HMMR: variants seen among roughly 807,000 people sequenced by gnomAD.
HMMR encodes the protein intracellular hyaluronic acid-binding protein.
In HMMR, 108 loss-of-function variants were observed where a neutral mutation model predicts 101.0. The observed-to-expected ratio is 1.07, with a 90% confidence interval of 0.92 to 1.25. HMMR has a LOEUF of 1.25. Ranked by LOEUF, HMMR falls within the 50% of genes most tolerant of loss-of-function variation. HMMR has a pLI of 0.00. For missense variants in HMMR, 813 were observed against 788.7 expected (o/e 1.03, Z -0.37); for synonymous variants, 296 against 276.4 (o/e 1.07, Z -0.70).
chr5:163,482,971 T>A (rs775854629), intron 13 of HMMR, 49 bp from the exon 14 acceptor site: 45 of 1,503,488 alleles, frequency 3.0e-5, no homozygotes, highest in Non-Finnish European at 4.0e-5. Context: ...GAAAAATTAA[T>A]GAAAGTGGCT....
At chr5:163,487,882 A>G (rs1386858162) in intron 16 of HMMR, among the ~76,000 whole-genome samples, 1 of 151,648 alleles carries the variant, frequency 6.6e-6, no homozygotes. Context: ...TAGAGACAGG[A>G]TCTCACTCTG....
chr5:163,486,794 G>A (rs779875219), intron 16 of HMMR, among the ~76,000 whole-genome samples: 1 of 152,194 alleles, frequency 6.6e-6, no homozygotes, highest in Admixed American at 6.5e-5. Flanking sequence ...ATGTTGATTT[G>A]TTGGCCAGCC....
rs761941772 is a variant in HMMR, at chr5:163,478,705, A to G, written c.1290A>G (p.Lys430=). The part of the protein sequence containing the change: ...KLKGKEAELE[K]SSAAHTQATL... The stretch of plus-strand genomic sequence containing the variant: ...TTAGGAAGGAGGCTGAACTGGAGAA[A>G]AGTAGTGCTGCTCATACCCAGGCCA... The change falls in exon 12 of 18, where the codon AAA becomes AAG. Residue 430 remains lysine, a synonymous_variant. Coordinates refer to ENST00000393915, the MANE Select transcript of HMMR (RefSeq NM_001142556.2). The G allele has an allele frequency of 6.2e-7, 1 of 1,611,492 alleles. No homozygotes were observed. Among genetic ancestry groups the G allele is most frequent in the Middle Eastern group, 1.7e-4 (1 of 6,052 alleles).
Position 163,491,144 on chromosome 5 carries a change from T to C in HMMR, c.2158T>C (p.Cys720Arg). 1 of 1,569,086 alleles carries C rather than the reference T, an allele frequency of 6.4e-7. No homozygotes were observed. The highest frequency in any genetic ancestry group is 1.8e-5 in the Admixed American group (1 of 54,476). ...NTNCYRAPME[C>R]QESWK ...AAACTGTTACCGAGCTCCTATGGAG[T>C]GTCAAGAATCATGGAAGTAAACATC... Residue 720 changes from cysteine to arginine, a missense_variant, in exon 18 of 18, where the codon TGT becomes CGT. Physicochemically the swap from Cys to Arg is radical, Grantham distance 180. Transcript: ENST00000393915.
At chr5:163,486,472 T>G (rs1255819123) in intron 16 of HMMR, among the ~76,000 whole-genome samples, 5 of 152,224 alleles carry the variant, frequency 3.3e-5, no homozygotes, top group African/African-American at 7.2e-5. Context: ...TATATTTATC[T>G]TGTATCCTGC....
Position 163,475,533 on chromosome 5 carries a change from G to A in HMMR, c.1129G>A (p.Glu377Lys). The A allele has an allele frequency of 6.2e-7, 1 of 1,609,284 alleles. No homozygotes were observed. Among genetic ancestry groups the A allele is most frequent in the Non-Finnish European group, 8.5e-7 (1 of 1,176,200 alleles). Residue 377 changes from glutamate (E) to lysine (K), a missense_variant, in exon 11 of 18, where the codon GAA (glutamate) becomes AAA (lysine). Physicochemically the swap from Glu to Lys is moderately conservative, Grantham distance 56. Transcript: ENST00000393915. ...GGTTAAAGAGAAGAATCTGTTTGAG[G>A]AAGAATTAAAGCAAACACTGGATGA... is the stretch of plus-strand genomic sequence containing the variant. ...EMVKEKNLFE[E>K]ELKQTLDELD...
intron 16 of HMMR, among the ~76,000 whole-genome samples, chr5:163,486,626 C>A (rs1759483880): frequency 6.6e-6 from 1 of 152,076 alleles, no homozygotes; most frequent in South Asian, 2.1e-4. Flanking sequence ...TGTCTAATAT[C>A]TCTGGCTAAA....
Position 163,475,670 on chromosome 5 carries a change from A to G in HMMR, c.1266A>G (p.Lys422=), listed in dbSNP as rs751520086. 1.2e-5 allele frequency: 19 copies of G among 1,573,416 alleles called. No individual in the cohort carries two copies. Among genetic ancestry groups the G allele is most frequent in the Non-Finnish European group, 1.7e-5 (19 of 1,146,258 alleles). The change falls in exon 11 of 18, where the codon AAA becomes AAG. Residue 422 remains lysine, a splice_region_variant and synonymous_variant. Coordinates refer to ENST00000393915, the MANE Select transcript of HMMR (RefSeq NM_001142556.2). The part of the protein sequence containing the change: ...EELKLLEEKL[K]GKEAELEKSS... Reference sequence around the variant, plus strand: ...TAAAACTCCTAGAAGAAAAGCTGAAAGGGTTTGTATTAATAGGATCTCATG... The same window carrying G: ...TAAAACTCCTAGAAGAAAAGCTGAAGGGGTTTGTATTAATAGGATCTCATG...
intron 11 of HMMR, among the ~76,000 whole-genome samples, chr5:163,477,548 A>G (rs1294708370): frequency 6.6e-6 from 1 of 152,214 alleles, no homozygotes; most frequent in African/African-American, 2.4e-5. Context: ...ACTACAGCCA[A>G]TCTCAGGGAA....
rs112440659 is a variant in HMMR, at chr5:163,460,684, G to A, written c.-9G>A. 1.9e-3 allele frequency: 3,072 copies of A among 1,603,470 alleles called. 46 individuals are homozygous for A. The African/African-American group carries it at 0.034, about 18-fold the overall frequency. On this transcript the variant is annotated 5_prime_UTR_variant, in exon 1 of 18. Coordinates refer to ENST00000393915, the MANE Select transcript of HMMR (RefSeq NM_001142556.2). ...CAGTCACCTTCAGTTTCTGGAGCTG[G>A]CCGTCAACATGTCCTTTCCTAAGGC...
chr5:163,469,873 A>C lies in HMMR; in HGVS notation c.462+44A>C, dbSNP rs746295119. 5 of 1,412,504 alleles carry C rather than the reference A, an allele frequency of 3.5e-6. No individual in the cohort carries two copies. In the East Asian group the frequency reaches 9.3e-5, roughly 26 times the overall value. The allele number at this position is 1,412,504 out of a possible 1,614,324, so 87.5% of individuals were successfully genotyped here. On this transcript the variant is annotated intron_variant, in intron 5 of 17. Coordinates refer to ENST00000393915, the MANE Select transcript of HMMR (RefSeq NM_001142556.2). ...AATATTTACAATTGAATAAATATAA[A>C]CACGTTTTTTAGGGCCGGGCACGGT...
chr5:163,470,637 C>T (rs921482685), intron 5 of HMMR, among the ~76,000 whole-genome samples: 2 of 152,070 alleles, frequency 1.3e-5, no homozygotes, highest in African/African-American at 4.8e-5. Context: ...CAGAGTGAGA[C>T]TCTGTCTTAC....
chr5:163,460,683 G>A lies in HMMR; in HGVS notation c.-10G>A. 1 of 1,603,328 alleles carries A rather than the reference G, an allele frequency of 6.2e-7. No individual in the cohort carries two copies. Among genetic ancestry groups the A allele is most frequent in the Non-Finnish European group, 8.5e-7 (1 of 1,174,506 alleles). ...CCAGTCACCTTCAGTTTCTGGAGCT[G>A]GCCGTCAACATGTCCTTTCCTAAGG... On this transcript the variant is annotated 5_prime_UTR_variant, in exon 1 of 18. Coordinates refer to ENST00000393915, the MANE Select transcript of HMMR (RefSeq NM_001142556.2).
At chr5:163,467,255 A>C (rs1419526395) in intron 3 of HMMR, among the ~76,000 whole-genome samples, 2 of 152,212 alleles carry the variant, frequency 1.3e-5, no homozygotes, top group Admixed American at 1.3e-4. Context: ...CCAATGAGAA[A>C]ATTAGAATCA....
chr5:163,463,900 G>A lies in HMMR; in HGVS notation c.91G>A (p.Val31Ile), dbSNP rs754368124. ...TGCTTATGATGTTAAAACTTTAGAA[G>A]TATTGAAAGGACCAGTATCCTTTCA... ...PGAYDVKTLEVLKGPVSFQKS... is the reference protein window; with the variant it reads ...PGAYDVKTLEILKGPVSFQKS... The change falls in exon 2 of 18, where the codon GTA (valine) becomes ATA (isoleucine). Residue 31 changes from valine (V) to isoleucine (I), a missense_variant. Transcript: ENST00000393915. 4 of 1,494,348 alleles carry A rather than the reference G, an allele frequency of 2.7e-6. No individual in the cohort carries two copies. The highest frequency in any genetic ancestry group is 2.1e-4 in the Middle Eastern group (1 of 4,674). The allele number at this position is 1,494,348 out of a possible 1,614,324, so 92.6% of individuals were successfully genotyped here.
intron 11 of HMMR, 77 bp from the exon 12 acceptor site, chr5:163,478,607 A>G: frequency 1.2e-6 from 1 of 840,354 alleles, no homozygotes; most frequent in Non-Finnish European, 2.1e-6. Flanking sequence ...TCACAGTTTC[A>G]AAGGTAAATA....
intron 16 of HMMR, among the ~76,000 whole-genome samples, chr5:163,487,787 A>G (rs997518865): frequency 2.0e-5 from 3 of 150,464 alleles, no homozygotes; most frequent in Non-Finnish European, 4.4e-5. Flanking sequence ...TAGTAATTTG[A>G]GTCTTTTTTT....
chr5:163,471,698 G>A (rs1758896710), intron 7 of HMMR, among the ~76,000 whole-genome samples: 1 of 152,112 alleles, frequency 6.6e-6, no homozygotes, highest in South Asian at 2.1e-4. Flanking sequence ...TATTATTAAT[G>A]ATGAGGAAAG....
intron 10 of HMMR, among the ~76,000 whole-genome samples, 155 bp from the exon 11 acceptor site, chr5:163,475,303 A>C (rs1318813714): frequency 6.6e-6 from 1 of 152,174 alleles, no homozygotes; most frequent in Non-Finnish European, 1.5e-5. Context: ...GAAATAATCT[A>C]TGAAAACAAA....
Sources: gnomAD v4.1 joint callset for allele counts (sites outside exome capture counted in the v4.1 genomes callset) on GRCh38, gnomAD v4.1.1 for gene constraint, MANE v1.5 for transcripts, NCBI Gene and HGNC (gene_info 2026-07-23, HGNC 2026-07-21) for gene names.